ARHGEF3: variants seen among roughly 807,000 people sequenced by gnomAD.
The protein encoded by ARHGEF3 is 59.8 kDA protein.
Under a neutral mutation model 63.2 loss-of-function variants are expected in ARHGEF3, and 28 were observed. That is an observed-to-expected ratio of 0.44 (90% CI 0.33 to 0.61). The LOEUF (loss-of-function observed/expected upper bound fraction) is 0.61. Ranked by LOEUF, ARHGEF3 falls within the 20% of genes least tolerant of loss-of-function variation. The pLI, the probability that ARHGEF3 is intolerant of heterozygous loss-of-function variation, is 0.03. For synonymous variants in ARHGEF3, 266 were observed against 254.2 expected (o/e 1.05, Z -0.44); for missense variants, 533 against 659.3 (o/e 0.81, Z 2.10).
At chr3:56,923,075 T>TATATATATATAA (rs1560053971) in intron 3 of ARHGEF3, among the ~76,000 whole-genome samples, 4 of 127,692 alleles carry the variant, frequency 3.1e-5, no homozygotes, top group Non-Finnish European at 4.8e-5. Context: ...TATATATATA[T>TATATATATATAA]AAATTAGTTG....
intron 2 of ARHGEF3, among the ~76,000 whole-genome samples, chr3:56,762,232 A>G (rs1251413362): frequency 2.0e-5 from 3 of 152,184 alleles, no homozygotes; most frequent in African/African-American, 7.2e-5. Flanking sequence ...AAACAGAAGC[A>G]CATACATAGA....
Position 56,844,439 on chromosome 3 carries a change from TAA to T in ARHGEF3, c.192+37851_192+37852del, listed in dbSNP as rs527728250. 2.5e-3 allele frequency among the ~76,000 whole-genome samples: 377 copies of T among 152,350 alleles called. 3 individuals carry two copies. Among genetic ancestry groups the T allele is most frequent in the African/African-American group, 8.7e-3 (360 of 41,570 alleles). ...TGTCTGGAATCTTGTCTGCCTCTGT[TAA>T]TTTTCCTCAAATGACTATTTAGAAA... On this transcript the variant is annotated intron_variant, in intron 4 of 12. Coordinates refer to the ARHGEF3 transcript ENST00000338458.
rs776175051 is a variant in ARHGEF3, at chr3:56,751,440, G to A, written c.439-44C>T. On this transcript the variant is annotated intron_variant, in intron 4 of 9. Coordinates refer to ENST00000296315, the MANE Select transcript of ARHGEF3 (RefSeq NM_019555.3). ...AGATGGAAGCACATGTTTAAAATCAGAGGAAGTACATTGTTCATGTAAGTG... is the reference window on the plus strand; with the variant it reads ...AGATGGAAGCACATGTTTAAAATCAAAGGAAGTACATTGTTCATGTAAGTG... The A allele has an allele frequency of 2.0e-6, 3 of 1,530,320 alleles. No homozygotes were observed. The East Asian group carries it at 6.8e-5, about 35-fold the overall frequency. The allele number at this position is 1,530,320 out of a possible 1,614,324, so 94.8% of individuals were successfully genotyped here. A position where few individuals can be genotyped will look rare whatever the true frequency, so the allele number is the denominator to read the frequency against.
intron 9 of ARHGEF3, chr3:56,731,986 T>C (rs41276471): frequency 1.7e-6 from 1 of 599,664 alleles, no homozygotes; most frequent in Non-Finnish European, 3.0e-6. Flanking sequence ...GTGCAGACAG[T>C]TTCACTTAGA....
At chr3:56,868,146 A>C (rs2040318067) in intron 4 of ARHGEF3, among the ~76,000 whole-genome samples, 1 of 152,148 alleles carries the variant, frequency 6.6e-6, no homozygotes, top group Non-Finnish European at 1.5e-5. Flanking sequence ...TCCTCTCTAG[A>C]TGTAAAAAAC....
At chr3:56,934,510 G>A (rs1049645471) in intron 3 of ARHGEF3, among the ~76,000 whole-genome samples, 9 of 152,272 alleles carry the variant, frequency 5.9e-5, no homozygotes, top group African/African-American at 2.2e-4. Flanking sequence ...GTGCTGGCGG[G>A]CCAGCTGGAG....
chr3:56,786,437 A>G (rs1402773529), intron 1 of ARHGEF3, among the ~76,000 whole-genome samples: 2 of 152,160 alleles, frequency 1.3e-5, no homozygotes, highest in Non-Finnish European at 2.9e-5. Context: ...TAGCTTCAAA[A>G]TGTTATTCTT....
At chr3:56,947,697 C>T (rs559611846) in intron 3 of ARHGEF3, among the ~76,000 whole-genome samples, 1 of 152,170 alleles carries the variant, frequency 6.6e-6, no homozygotes. Context: ...TAACACCCCA[C>T]TGTCAACATC....
intron 4 of ARHGEF3, among the ~76,000 whole-genome samples, chr3:56,822,219 TATC>T (rs2038534177): frequency 6.6e-6 from 1 of 152,178 alleles, no homozygotes; most frequent in Non-Finnish European, 1.5e-5. Context: ...AGGAAAGTAT[TATC>T]ATTCCCATGG....
chr3:57,040,891 C>T (rs1472235982), intron 1 of ARHGEF3, among the ~76,000 whole-genome samples: 3 of 48,760 alleles, frequency 6.2e-5, no homozygotes, highest in Non-Finnish European at 1.2e-4. Context: ...TGCTGCTGCA[C>T]AGTGCCCTCC....
At chr3:56,834,018 C>T (rs1183483875) in intron 4 of ARHGEF3, among the ~76,000 whole-genome samples, 1 of 151,738 alleles carries the variant, frequency 6.6e-6, no homozygotes, top group East Asian at 1.9e-4. Context: ...ATTCTCCTGC[C>T]TCAGTCTCCT....
chr3:56,877,282 T>C (rs2040617502), intron 4 of ARHGEF3, among the ~76,000 whole-genome samples: 1 of 152,024 alleles, frequency 6.6e-6, no homozygotes, highest in Non-Finnish European at 1.5e-5. Flanking sequence ...CTATCGTTAT[T>C]AAAAATAATA....
chr3:56,934,996 C>A (rs2108403391), intron 3 of ARHGEF3, among the ~76,000 whole-genome samples: 1 of 152,336 alleles, frequency 6.6e-6, no homozygotes. Context: ...CAATCAGCAC[C>A]CTGTGTCTAG....
At chr3:56,844,101 T>C (rs1435071156) in intron 4 of ARHGEF3, among the ~76,000 whole-genome samples, 2 of 152,340 alleles carry the variant, frequency 1.3e-5, no homozygotes, top group Non-Finnish European at 2.9e-5. Flanking sequence ...GGCACTTTAG[T>C]GCATGACAAA....
rs572044909 is a variant in ARHGEF3, at chr3:56,884,414, A to C, written c.130-2060T>G. Among the ~76,000 whole-genome samples, 161 of 152,300 alleles carry C rather than the reference A, an allele frequency of 1.1e-3. 1 individual carries two copies. The highest frequency in any genetic ancestry group is 3.8e-3 in the African/African-American group (159 of 41,572). ...TTGGGGCTCTTTTTGTTAAGCAGCTACCTAGATATTTAAAATTCCAAAGGT... is the reference window on the plus strand; with the variant it reads ...TTGGGGCTCTTTTTGTTAAGCAGCTCCCTAGATATTTAAAATTCCAAAGGT... On this transcript the variant is annotated intron_variant, in intron 3 of 12. Coordinates refer to the ARHGEF3 transcript ENST00000338458.
intron 4 of ARHGEF3, among the ~76,000 whole-genome samples, chr3:56,840,169 C>T (rs546883631): frequency 2.0e-5 from 3 of 152,302 alleles, no homozygotes; most frequent in African/African-American, 7.2e-5. Context: ...ATGAGAGGTA[C>T]AAGCTTTCTC....
chr3:56,950,677 G>T (rs1699761008), intron 3 of ARHGEF3, among the ~76,000 whole-genome samples: 3 of 152,056 alleles, frequency 2.0e-5, no homozygotes, highest in Admixed American at 2.0e-4. Context: ...TTACACTGTT[G>T]GTGGGACTGT....
At chr3:57,055,388 C>T (rs998238034) in intron 1 of ARHGEF3, among the ~76,000 whole-genome samples, 14 of 152,108 alleles carry the variant, frequency 9.2e-5, no homozygotes, top group African/African-American at 3.4e-4. Context: ...TCTCAAATGC[C>T]TGACCTCAGG....
intron 3 of ARHGEF3, chr3:56,916,420 G>C: frequency 1.3e-6 from 2 of 1,488,410 alleles, no homozygotes; most frequent in Non-Finnish European, 1.8e-6. Flanking sequence ...TCTCTGAACA[G>C]GGCTGAGCAT....
Sources: gnomAD v4.1 joint callset for allele counts (sites outside exome capture counted in the v4.1 genomes callset) on GRCh38, gnomAD v4.1.1 for gene constraint, MANE v1.5 for transcripts, NCBI Gene and HGNC (gene_info 2026-07-23, HGNC 2026-07-21) for gene names.